RALYL: variants seen among roughly 807,000 people sequenced by gnomAD.
The protein encoded by RALYL is RNA-binding Raly-like protein.
A neutral mutation model predicts 35.1 loss-of-function variants in RALYL; 29 were observed. The ratio of observed to expected loss-of-function variants is 0.83; its 90% CI spans 0.61 to 1.13. The LOEUF (loss-of-function observed/expected upper bound fraction) is 1.13, where lower values mean the gene tolerates loss of function less well. RALYL is among the 50% of genes most tolerant of loss of function. RALYL has a pLI of 0.00. For synonymous variants in RALYL, 120 were observed against 127.6 expected, an observed-to-expected ratio of 0.94 and a Z score of 0.40; for missense variants, 359 against 360.4, an observed-to-expected ratio of 1.00 and a Z score of 0.03.
At chr8:84,457,848 A>G (rs1587444810) in intron 1 of RALYL, among the ~76,000 whole-genome samples, 4 of 151,750 alleles carry the variant, frequency 2.6e-5, no homozygotes, top group East Asian at 3.9e-4. Flanking sequence ...CCTTTCTTGT[A>G]TTATTACTCC....
chr8:84,529,102 CT>C (rs1272172314), intron 1 of RALYL, among the ~76,000 whole-genome samples, 196 bp from the exon 2 acceptor site: 1 of 152,056 alleles, frequency 6.6e-6, no homozygotes, highest in Non-Finnish European at 1.5e-5. Flanking sequence ...GTTTTTTCTA[CT>C]GTATTTAGCA....
chr8:84,723,465 T>G (rs1222322465), intron 2 of RALYL, among the ~76,000 whole-genome samples: 1 of 152,018 alleles, frequency 6.6e-6, no homozygotes, highest in Non-Finnish European at 1.5e-5. Context: ...TTTATATTGA[T>G]TCTATGCTCC....
intron 2 of RALYL, among the ~76,000 whole-genome samples, chr8:84,587,765 G>C (rs1812324151): frequency 6.6e-6 from 1 of 152,132 alleles, no homozygotes; most frequent in African/African-American, 2.4e-5. Context: ...TCAGTTTATT[G>C]CTGAAACTCC....
At chr8:84,682,969 G>A (rs1835911186) in intron 2 of RALYL, among the ~76,000 whole-genome samples, 1 of 152,082 alleles carries the variant, frequency 6.6e-6, no homozygotes, top group Non-Finnish European at 1.5e-5. Flanking sequence ...GCTTTCTCCT[G>A]TGGGCATTTA....
chr8:84,804,746 G>T lies in RALYL; in HGVS notation c.333-24G>T, dbSNP rs183643036. The T allele has an allele frequency of 5.9e-5, 68 of 1,145,548 alleles. No homozygotes were observed. The African/African-American group carries it at 9.2e-4, about 15-fold the overall frequency. The allele number at this position is 1,145,548 out of a possible 1,614,324, so 71.0% of individuals were successfully genotyped here. A position where few individuals can be genotyped will look rare whatever the true frequency, so the allele number is the denominator to read the frequency against. On this transcript the variant is annotated intron_variant, in intron 3 of 8. Transcript: ENST00000521268. Reference sequence around the variant, plus strand: ...TATACAGCAAATTTTTATATTAAAAGAAAATTTTCATATTTTTTCATAGAC... The same window carrying T: ...TATACAGCAAATTTTTATATTAAAATAAAATTTTCATATTTTTTCATAGAC...
chr8:84,185,890 T>A (rs775717767), intron 1 of RALYL, among the ~76,000 whole-genome samples: 1 of 152,170 alleles, frequency 6.6e-6, no homozygotes, highest in Non-Finnish European at 1.5e-5. Flanking sequence ...GTTTGTGGAA[T>A]GAAAGGTTTT....
chr8:84,735,557 A>T (rs753819813), intron 2 of RALYL, among the ~76,000 whole-genome samples: 17 of 151,982 alleles, frequency 1.1e-4, no homozygotes, highest in Non-Finnish European at 2.4e-4. Flanking sequence ...AGTCTCAATT[A>T]CTGAGTCCTA....
chr8:84,306,382 G>C (rs540501988), intron 1 of RALYL, among the ~76,000 whole-genome samples: 2 of 152,206 alleles, frequency 1.3e-5, no homozygotes, highest in Non-Finnish European at 2.9e-5. Context: ...TATAGATTCT[G>C]GAACCATGTC....
At chr8:84,644,345 G>GC (rs1161168947) in intron 2 of RALYL, among the ~76,000 whole-genome samples, 20 of 152,046 alleles carry the variant, frequency 1.3e-4, no homozygotes, top group African/African-American at 4.8e-4. Context: ...AACAAATATT[G>GC]AACATCTTGT....
chr8:84,519,284 A>AT (rs2058288084), intron 1 of RALYL, among the ~76,000 whole-genome samples: 1 of 152,234 alleles, frequency 6.6e-6, no homozygotes, highest in Admixed American at 6.5e-5. Flanking sequence ...TTATAATTTA[A>AT]GAAAAATGAT....
intron 4 of RALYL, 70 bp from the exon 5 acceptor site, chr8:84,849,910 A>G (rs978302495): frequency 3.6e-6 from 3 of 830,828 alleles, no homozygotes; most frequent in Non-Finnish European, 3.7e-6. Flanking sequence ...ATGCTATAAC[A>G]TCATAAGTTA....
chr8:84,433,501 C>T (rs1318426863), intron 1 of RALYL, among the ~76,000 whole-genome samples: 1 of 152,022 alleles, frequency 6.6e-6, no homozygotes, highest in African/African-American at 2.4e-5. Flanking sequence ...TCCAAGAATT[C>T]CCACATGTTG....
At chr8:84,721,768 G>A (rs577969453) in intron 2 of RALYL, among the ~76,000 whole-genome samples, 2 of 152,172 alleles carry the variant, frequency 1.3e-5, no homozygotes, top group East Asian at 3.9e-4. Context: ...TGAAAGTTAA[G>A]ACTTCATGTC....
intron 1 of RALYL, among the ~76,000 whole-genome samples, chr8:84,312,840 G>C (rs190445358): frequency 2.0e-5 from 3 of 152,352 alleles, no homozygotes; most frequent in African/African-American, 7.2e-5. Flanking sequence ...GGGGTCTGGA[G>C]GACAGTGGCC....
chr8:84,239,849 G>A (rs1421014224), intron 1 of RALYL, among the ~76,000 whole-genome samples: 2 of 151,980 alleles, frequency 1.3e-5, no homozygotes, highest in Admixed American at 6.6e-5. Context: ...CCGAGATCGC[G>A]CCACTGCACT....
At chr8:84,401,230 T>A (rs550207407) in intron 1 of RALYL, among the ~76,000 whole-genome samples, 1 of 152,106 alleles carries the variant, frequency 6.6e-6, no homozygotes, top group East Asian at 1.9e-4. Flanking sequence ...TTCTTCTTCT[T>A]TTTTTTAATC....
At chr8:84,305,933 C>T (rs1458050320) in intron 1 of RALYL, among the ~76,000 whole-genome samples, 1 of 151,818 alleles carries the variant, frequency 6.6e-6, no homozygotes, top group Non-Finnish European at 1.5e-5. Context: ...TTTAGAAAGC[C>T]CCACCCCTAT....
chr8:84,523,587 C>T (rs895532642), intron 1 of RALYL, among the ~76,000 whole-genome samples: 3 of 151,186 alleles, frequency 2.0e-5, no homozygotes, highest in African/African-American at 4.9e-5. Flanking sequence ...CATATGTATA[C>T]ATGTGCCATG....
intron 2 of RALYL, among the ~76,000 whole-genome samples, chr8:84,549,559 C>T (rs1650399707): frequency 6.6e-6 from 1 of 152,140 alleles, no homozygotes; most frequent in African/African-American, 2.4e-5. Context: ...TTTGCCTCTC[C>T]CCTGATAAGG....
Sources: gnomAD v4.1 joint callset for allele counts (sites outside exome capture counted in the v4.1 genomes callset) on GRCh38, gnomAD v4.1.1 for gene constraint, MANE v1.5 for transcripts, NCBI Gene and HGNC (gene_info 2026-07-23, HGNC 2026-07-21) for gene names.